Variants in KLHL1 observed in about 807,000 individuals in gnomAD.
KLHL1 encodes the protein kelch-like protein 1.
Under a neutral mutation model 77.7 loss-of-function variants are expected in KLHL1, and 47 were observed. That is an observed-to-expected ratio of 0.60 (90% CI 0.48 to 0.77). The LOEUF is 0.77. Ranked by LOEUF, KLHL1 falls within the 30% of genes least tolerant of loss-of-function variation. The probability of loss-of-function intolerance (pLI) is 0.00; values close to 1 mark genes in which losing one functional copy is unlikely to be tolerated. For synonymous variants in KLHL1, 360 were observed against 325.2 expected (o/e 1.11, Z -1.15); for missense variants, 925 against 910.8 (o/e 1.02, Z -0.20).
chr13:69,869,961 G>A (rs1014821471), intron 5 of KLHL1, among the ~76,000 whole-genome samples: 1 of 151,978 alleles, frequency 6.6e-6, no homozygotes, highest in African/African-American at 2.4e-5. Context: ...TTTATTTGTC[G>A]AGCAAAAAGA....
intron 6 of KLHL1, among the ~76,000 whole-genome samples, chr13:69,809,744 G>A (rs11619836): frequency 0.25 from 37,724 of 151,732 alleles, 4,782 homozygotes; most frequent in South Asian, 0.33. Context: ...AAAAGACATA[G>A]AGAGGTAAAT....
chr13:69,914,211 A>T (rs1295920178), intron 4 of KLHL1, among the ~76,000 whole-genome samples: 1 of 152,040 alleles, frequency 6.6e-6, no homozygotes, highest in East Asian at 1.9e-4. Context: ...TTATATATAC[A>T]TCTATCCTAT....
At chr13:69,794,564 T>A (rs1191916070) in intron 7 of KLHL1, among the ~76,000 whole-genome samples, 10 of 144,616 alleles carry the variant, frequency 6.9e-5, no homozygotes, top group Non-Finnish European at 1.1e-4. Flanking sequence ...AGAGAGAGAT[T>A]AAAAAAAAAG....
chr13:69,987,742 A>G (rs1264217729), intron 1 of KLHL1, among the ~76,000 whole-genome samples: 1 of 152,084 alleles, frequency 6.6e-6, no homozygotes, highest in Non-Finnish European at 1.5e-5. Context: ...CTTAGAGTAA[A>G]ATACACAGAT....
intron 5 of KLHL1, among the ~76,000 whole-genome samples, chr13:69,849,716 T>C (rs1226862491): frequency 3.6e-5 from 2 of 55,246 alleles, no homozygotes; most frequent in Admixed American, 4.8e-4. Context: ...ATTATAAACT[T>C]GCAGAAAATC....
chr13:69,781,560 T>C (rs1038320113), intron 7 of KLHL1, among the ~76,000 whole-genome samples: 6 of 152,188 alleles, frequency 3.9e-5, no homozygotes, highest in South Asian at 2.1e-4. Context: ...AGGAATTTCA[T>C]TGCTGTTTCA....
chr13:69,705,196 A>C (rs982127658), intron 10 of KLHL1, among the ~76,000 whole-genome samples: 1 of 150,934 alleles, frequency 6.6e-6, no homozygotes, highest in African/African-American at 2.5e-5. Flanking sequence ...AGTTCTCTTT[A>C]TGTCTTGAAG....
At chr13:70,043,718 C>A (rs994357216) in intron 1 of KLHL1, among the ~76,000 whole-genome samples, 3 of 152,204 alleles carry the variant, frequency 2.0e-5, no homozygotes, top group African/African-American at 7.2e-5. Flanking sequence ...AAGCAACAGA[C>A]TATACCATGT....
At chr13:70,010,757 T>G (rs1248069018) in intron 1 of KLHL1, among the ~76,000 whole-genome samples, 2 of 151,790 alleles carry the variant, frequency 1.3e-5, no homozygotes, top group Non-Finnish European at 2.9e-5. Context: ...CTGGGTGTGG[T>G]GGTGGGTGCT....
At chr13:70,094,668 TAGG>T (rs1460613501) in intron 1 of KLHL1, among the ~76,000 whole-genome samples, 1 of 152,108 alleles carries the variant, frequency 6.6e-6, no homozygotes. Flanking sequence ...TTGATTTACT[TAGG>T]AGAAGATTAC....
chr13:69,933,009 A>T (rs1433324489), intron 4 of KLHL1, among the ~76,000 whole-genome samples: 2 of 146,258 alleles, frequency 1.4e-5, no homozygotes, highest in Non-Finnish European at 3.0e-5. Context: ...ACAGAGGAAG[A>T]AGAGAAATTT....
At chr13:69,898,947 A>G (rs1364385728) in intron 4 of KLHL1, among the ~76,000 whole-genome samples, 1 of 152,112 alleles carries the variant, frequency 6.6e-6, no homozygotes, top group African/African-American at 2.4e-5. Flanking sequence ...TGTCTGTCAT[A>G]AGGATTATTA....
At chr13:69,752,747 T>G (rs966992449) in intron 7 of KLHL1, among the ~76,000 whole-genome samples, 3 of 152,174 alleles carry the variant, frequency 2.0e-5, no homozygotes, top group Non-Finnish European at 2.9e-5. Context: ...ATGCAAGTCA[T>G]TTTAAGTGAA....
rs1882089419 is a variant in KLHL1, at chr13:69,907,712, C to T, written c.1015-25217G>A. On this transcript the variant is annotated intron_variant, in intron 4 of 10. Coordinates refer to ENST00000377844, the MANE Select transcript of KLHL1 (RefSeq NM_020866.3). ...CATTGTTAAAGAGGGTTTTGGTGGACTTGCAAGGCATTGGATCTTGATATC... is the reference window on the plus strand; with the variant it reads ...CATTGTTAAAGAGGGTTTTGGTGGATTTGCAAGGCATTGGATCTTGATATC... Among the ~76,000 whole-genome samples, 3 of 151,892 alleles carry T rather than the reference C, an allele frequency of 2.0e-5. No homozygotes were observed. In the South Asian group the frequency reaches 6.2e-4, roughly 31 times the overall value.
intron 1 of KLHL1, among the ~76,000 whole-genome samples, chr13:70,045,371 T>A (rs1886469387): frequency 6.6e-6 from 1 of 152,264 alleles, no homozygotes; most frequent in Admixed American, 6.5e-5. Context: ...GCAAACAGAT[T>A]CTACAGGTAT....
intron 10 of KLHL1, among the ~76,000 whole-genome samples, chr13:69,704,061 C>T (rs1226714897): frequency 6.6e-6 from 1 of 151,676 alleles, no homozygotes. Context: ...CCATTCAATA[C>T]TCAGTACTGT....
chr13:69,755,442 T>C (rs1039104261), intron 7 of KLHL1, among the ~76,000 whole-genome samples: 3 of 152,070 alleles, frequency 2.0e-5, no homozygotes, highest in East Asian at 2.0e-4. Context: ...TATTTCTTTA[T>C]AGCAGTTCAA....
intron 4 of KLHL1, among the ~76,000 whole-genome samples, chr13:69,908,398 T>C (rs73510103): frequency 0.018 from 2,662 of 151,594 alleles, 70 homozygotes; most frequent in African/African-American, 0.06. Context: ...GAGAGAAGAT[T>C]TGACAAAAAA....
At chr13:70,036,002 CA>C (rs1886229583) in intron 1 of KLHL1, among the ~76,000 whole-genome samples, 1 of 151,940 alleles carries the variant, frequency 6.6e-6, no homozygotes. Flanking sequence ...ATAAATGCTT[CA>C]ATGATGAGTA....
Sources: gnomAD v4.1 joint callset for allele counts (sites outside exome capture counted in the v4.1 genomes callset) on GRCh38, gnomAD v4.1.1 for gene constraint, MANE v1.5 for transcripts, NCBI Gene and HGNC (gene_info 2026-07-23, HGNC 2026-07-21) for gene names.